Variants in RP1 observed in about 807,000 individuals in gnomAD.
RP1 encodes oxygen-regulated protein 1.
Under a neutral mutation model 14.8 loss-of-function variants are expected in RP1, and 16 were observed. That is an observed-to-expected ratio of 1.08 (90% confidence interval 0.73 to 1.65). The LOEUF is 1.65. Ranked by LOEUF, RP1 falls within the 40% of genes most tolerant of loss-of-function variation. The pLI, the probability that RP1 is intolerant of heterozygous loss-of-function variation, is 0.00. For synonymous variants in RP1, 876 were observed against 883.6 expected (o/e 0.99, Z 0.15); for missense variants, 2,631 against 2,535.0 (o/e 1.04, Z -0.81).
At chr8:54,708,830 T>C (rs1173337043) in intron 15 of RP1, among the ~76,000 whole-genome samples, 1 of 152,200 alleles carries the variant, frequency 6.6e-6, no homozygotes, top group African/African-American at 2.4e-5. Context: ...ATGCTTTTTC[T>C]TCCTATTTGT....
chr8:54,584,855 A>G (rs1199713790), intron 1 of RP1, among the ~76,000 whole-genome samples: 3 of 152,150 alleles, frequency 2.0e-5, no homozygotes, highest in Non-Finnish European at 2.9e-5. Context: ...TTTGCTTGGT[A>G]GATCTTCCTC....
rs1804990029 is a variant in RP1 at position 54,589,027 on chromosome 8, G to A, written c.-13+29707G>A. Among the ~76,000 whole-genome samples, 5 of 152,256 alleles carry A rather than the reference G, an allele frequency of 3.3e-5. 1 individual carries two copies. In the South Asian group the frequency reaches 1.0e-3, roughly 32 times the overall value. On this transcript the variant is annotated intron_variant, in intron 1 of 22. Transcript: ENST00000636932. ...TTTAGATTCACTTCCAGGTGTGTGT[G>A]TGTGTGATTCCAGAGTCCTCACTCC...
At chr8:54,866,088 T>A (rs890395165) in intron 28 of RP1, among the ~76,000 whole-genome samples, 11 of 152,240 alleles carry the variant, frequency 7.2e-5, no homozygotes, top group African/African-American at 2.2e-4. Flanking sequence ...GCACTAGTAA[T>A]TCTCTCTTCT....
chr8:54,651,617 T>C (rs1171536705), intron 4 of RP1, among the ~76,000 whole-genome samples: 1 of 152,186 alleles, frequency 6.6e-6, no homozygotes, highest in Non-Finnish European at 1.5e-5. Context: ...ATGTCTCTAC[T>C]TTTATTTTTG....
In RP1 at chr8:54,630,523, T is replaced by C; in HGVS notation, c.*170T>C. On this transcript the variant is annotated 3_prime_UTR_variant, in exon 4 of 4. Transcript: ENST00000220676. The stretch of plus-strand genomic sequence containing the variant: ...CAGTTTGACTTTCATAATGTCTCTG[T>C]TTTTTGTTTTTCCAACAATTACAGA... 7.1e-7 allele frequency: 1 copy of C among 1,417,448 alleles called. No individual in the cohort carries two copies. Among genetic ancestry groups the C allele is most frequent in the East Asian group, 2.6e-5 (1 of 38,462 alleles). 87.8% of individuals were successfully genotyped at this position (1,417,448 alleles called of 1,614,324 possible).
intron 14 of RP1, chr8:54,706,438 T>C: frequency 1.3e-6 from 2 of 1,535,716 alleles, no homozygotes; most frequent in South Asian, 1.2e-5. Context: ...TTTGTTGCTC[T>C]GAAGGGGGTG....
chr8:54,832,381 CT>C (rs1811551360), intron 24 of RP1, among the ~76,000 whole-genome samples: 1 of 151,696 alleles, frequency 6.6e-6, no homozygotes, highest in Non-Finnish European at 1.5e-5. Context: ...TTCAAGTTTA[CT>C]GACTTTTTTG....
Position 54,762,807 on chromosome 8 carries a change from T to C in RP1, c.3248+3731T>C, listed in dbSNP as rs556748265. 1.0e-3 allele frequency among the ~76,000 whole-genome samples: 159 copies of C among 152,322 alleles called. 3 individuals are homozygous for C. The highest frequency in any genetic ancestry group is 8.8e-5 in the Non-Finnish European group (6 of 68,022). On this transcript the variant is annotated intron_variant, in intron 22 of 22. Coordinates refer to the RP1 transcript ENST00000636932. ...CCTGGGAAACAGTCCTTCCTCGCCC[T>C]TCCCACTTCTGCTGCATGCTCACTG...
At chr8:54,814,610 A>G (rs1164348120) in intron 24 of RP1, among the ~76,000 whole-genome samples, 4 of 152,098 alleles carry the variant, frequency 2.6e-5, no homozygotes, top group Non-Finnish European at 2.9e-5. Flanking sequence ...TAGTCTCCCA[A>G]TTTGCCCTAT....
chr8:54,807,678 T>C (rs918312163), intron 24 of RP1, among the ~76,000 whole-genome samples: 4 of 129,816 alleles, frequency 3.1e-5, no homozygotes, highest in Middle Eastern at 4.1e-3. Context: ...ATCTATCTAT[T>C]TATCTATCTC....
At chr8:54,620,208 T>A (rs888497602) in intron 1 of RP1, among the ~76,000 whole-genome samples, 2 of 152,256 alleles carry the variant, frequency 1.3e-5, no homozygotes, top group Non-Finnish European at 2.9e-5. Context: ...AACTCAGTCA[T>A]GTGCCACATA....
chr8:54,749,977 A>T (rs998001638), intron 19 of RP1, among the ~76,000 whole-genome samples: 13 of 152,002 alleles, frequency 8.6e-5, no homozygotes, highest in African/African-American at 2.9e-4. Flanking sequence ...GCTACTTCAG[A>T]TTGGCTAAGG....
chr8:54,851,068 CGTGCATGT>C (rs1563396086), intron 25 of RP1, among the ~76,000 whole-genome samples: 1 of 151,468 alleles, frequency 6.6e-6, no homozygotes, highest in African/African-American at 2.4e-5. Context: ...TGTGTGTGTG[CGTGCATGT>C]GTGCATGTGC....
intron 1 of RP1, among the ~76,000 whole-genome samples, chr8:54,569,485 C>T (rs1056112987): frequency 2.7e-4 from 41 of 152,118 alleles, no homozygotes; most frequent in African/African-American, 8.7e-4. Flanking sequence ...GCTGTGATTC[C>T]CATTGTAAGA....
At chr8:54,836,219 G>T (rs928587340) in intron 24 of RP1, among the ~76,000 whole-genome samples, 1 of 152,186 alleles carries the variant, frequency 6.6e-6, no homozygotes, top group Non-Finnish European at 1.5e-5. Context: ...GAGAAAAGAT[G>T]TTGCAGGTCA....
intron 25 of RP1, among the ~76,000 whole-genome samples, chr8:54,842,074 G>A (rs542110499): frequency 3.4e-4 from 52 of 152,240 alleles, no homozygotes; most frequent in African/African-American, 1.2e-3. Flanking sequence ...GCAAGTTTTA[G>A]ATAACAACTG....
At chr8:54,861,792 C>T (rs999894107) in intron 27 of RP1, among the ~76,000 whole-genome samples, 3 of 151,900 alleles carry the variant, frequency 2.0e-5, no homozygotes, top group Non-Finnish European at 4.4e-5. Context: ...TTAGTAGAGA[C>T]GGGGTTTTGC....
chr8:54,837,882 C>T (rs182559345), intron 25 of RP1, among the ~76,000 whole-genome samples: 1 of 152,040 alleles, frequency 6.6e-6, no homozygotes, highest in Non-Finnish European at 1.5e-5. Context: ...TGGCTGTGTG[C>T]CAATAAAACT....
intron 1 of RP1, among the ~76,000 whole-genome samples, chr8:54,590,797 G>A (rs1168769173): frequency 3.3e-5 from 5 of 152,142 alleles, no homozygotes; most frequent in Non-Finnish European, 7.4e-5. Context: ...GACTCAGATA[G>A]CCAACTGTCT....
Sources: allele counts gnomAD v4.1 joint callset (sites outside exome capture counted in the v4.1 genomes callset), GRCh38; gene constraint gnomAD v4.1.1; transcripts MANE v1.5; gene names NCBI Gene and HGNC (gene_info 2026-07-23, HGNC 2026-07-21).